Variants in GFRA2 observed in about 807,000 individuals in gnomAD.
GFRA2 encodes GDNF family receptor alpha 2.
In GFRA2, 17 loss-of-function variants were observed where a neutral mutation model predicts 48.3. The ratio of observed to expected loss-of-function variants is 0.35; its 90% CI spans 0.24 to 0.53. The LOEUF is 0.53. GFRA2 is among the 20% of genes least tolerant of loss of function. The pLI is 0.93. For missense variants in GFRA2, 660 were observed against 637.3 expected, an observed-to-expected ratio of 1.04 and a Z score of -0.38; for synonymous variants, 305 against 257.2, an observed-to-expected ratio of 1.19 and a Z score of -1.78.
chr8:21,704,637 G>A (rs1181727838), intron 6 of GFRA2, among the ~76,000 whole-genome samples: 2 of 152,146 alleles, frequency 1.3e-5, no homozygotes, highest in African/African-American at 2.4e-5. Flanking sequence ...TCGATTCCAG[G>A]GGGAAATAAA....
chr8:21,725,848 A>T (rs1387491194), intron 4 of GFRA2, among the ~76,000 whole-genome samples: 1 of 152,222 alleles, frequency 6.6e-6, no homozygotes, highest in African/African-American at 2.4e-5. Context: ...TCCAACATGC[A>T]TCCAGCATCA....
chr8:21,715,355 C>G (rs1025939885), intron 4 of GFRA2, among the ~76,000 whole-genome samples: 3 of 152,204 alleles, frequency 2.0e-5, no homozygotes, highest in African/African-American at 7.2e-5. Flanking sequence ...GTCACCTAGG[C>G]TGGAGTGCAA....
upstream of GFRA2, among the ~76,000 whole-genome samples, chr8:21,789,703 C>G (rs1464036156): frequency 2.0e-5 from 3 of 152,066 alleles, no homozygotes; most frequent in Admixed American, 1.3e-4. Context: ...GGGAACTTTG[C>G]CCTCACGCCC....
At chr8:21,809,812 AT>A (rs1379620705) in intron 1 of GFRA2, among the ~76,000 whole-genome samples, 7 of 152,178 alleles carry the variant, frequency 4.6e-5, no homozygotes, top group Non-Finnish European at 1.0e-4. Context: ...GGGAAGCCCA[AT>A]GGCACCAGGG....
At chr8:21,771,324 A>G (rs1294021651) in intron 3 of GFRA2, among the ~76,000 whole-genome samples, 1 of 152,236 alleles carries the variant, frequency 6.6e-6, no homozygotes, top group African/African-American at 2.4e-5. Context: ...TTGAATTGCT[A>G]GAAACAGGAC....
rs184925407 is a variant in GFRA2, at chr8:21,707,882, A to G, written c.795-1841T>C. Among the ~76,000 whole-genome samples, 63 of 152,338 alleles carry G rather than the reference A, an allele frequency of 4.1e-4. No homozygotes were observed. In the East Asian group the frequency reaches 0.012, roughly 28 times the overall value. ...GTGTATTTTACCACAATGATGGTTT[A>G]AAAGGTACTTTCATATCCATCTTTT... On this transcript the variant is annotated intron_variant, in intron 4 of 8. Transcript: ENST00000524240.
At chr8:21,704,359 A>G (rs893072521) in intron 6 of GFRA2, among the ~76,000 whole-genome samples, 1 of 152,232 alleles carries the variant, frequency 6.6e-6, no homozygotes, top group Non-Finnish European at 1.5e-5. Flanking sequence ...CACTGTGATC[A>G]TAAGTGACCC....
chr8:21,713,489 C>T (rs1462203698), intron 4 of GFRA2, among the ~76,000 whole-genome samples: 1 of 152,072 alleles, frequency 6.6e-6, no homozygotes, highest in Non-Finnish European at 1.5e-5. Flanking sequence ...AGCCACCACA[C>T]CCAGCTTGGC....
In GFRA2 at chr8:21,788,653, C is replaced by T; in HGVS notation, c.-494G>A. On this transcript the variant is annotated 5_prime_UTR_variant, in exon 1 of 9. Transcript: ENST00000524240. ...ACAGACGGGTGTCAGCGCCCAAGAA[C>T]AATCCAGTCGGAGCTTCGAGGACGA... 1 of 986,766 alleles carries T rather than the reference C, an allele frequency of 1.0e-6. No homozygotes were observed. The highest frequency in any genetic ancestry group is 4.7e-5 in the South Asian group (1 of 21,312). 61.1% of individuals were successfully genotyped at this position (986,766 alleles called of 1,614,324 possible). A position where few individuals can be genotyped will look rare whatever the true frequency, so the allele number is the denominator to read the frequency against.
intron 4 of GFRA2, among the ~76,000 whole-genome samples, chr8:21,718,689 G>A (rs1325204214): frequency 1.3e-5 from 2 of 152,270 alleles, no homozygotes; most frequent in Middle Eastern, 3.4e-3. Context: ...ATAGGGCCAC[G>A]CAACAAGGGT....
Position 21,788,750 on chromosome 8 carries a change from C to A in GFRA2, c.-591G>T, listed in dbSNP as rs1430511824. 12 of 985,430 alleles carry A rather than the reference C, an allele frequency of 1.2e-5. No homozygotes were observed. Among genetic ancestry groups the A allele is most frequent in the Admixed American group, 6.1e-5 (1 of 16,274 alleles). 61.0% of individuals were successfully genotyped at this position (985,430 alleles called of 1,614,324 possible). A position where few individuals can be genotyped will look rare whatever the true frequency, so the allele number is the denominator to read the frequency against. On this transcript the variant is annotated 5_prime_UTR_variant, in exon 1 of 9. Transcript: ENST00000524240. ...AAAAATCTTCTCCCGCTAACCCTTGCTCGGCTCACTTTTTTCTAATGGAAT... is the reference window on the plus strand; with the variant it reads ...AAAAATCTTCTCCCGCTAACCCTTGATCGGCTCACTTTTTTCTAATGGAAT...
chr8:21,704,757 T>C (rs1802655026), intron 6 of GFRA2, among the ~76,000 whole-genome samples: 1 of 152,156 alleles, frequency 6.6e-6, no homozygotes, highest in South Asian at 2.1e-4. Context: ...AATAACAGGC[T>C]TGACATAGGT....
At chr8:21,700,805 G>A (rs1426863855) in intron 7 of GFRA2, among the ~76,000 whole-genome samples, 2 of 152,112 alleles carry the variant, frequency 1.3e-5, no homozygotes, top group East Asian at 3.9e-4. Context: ...GGTGTATCTA[G>A]GGTGTACAGG....
chr8:21,722,100 G>T (rs533319186), intron 4 of GFRA2, among the ~76,000 whole-genome samples: 4 of 152,202 alleles, frequency 2.6e-5, no homozygotes, highest in Non-Finnish European at 4.4e-5. Flanking sequence ...AGGATGTGAG[G>T]CTGGGGGTAA....
chr8:21,787,767 TA>T (rs1395204389), intron 1 of GFRA2, among the ~76,000 whole-genome samples: 1 of 152,180 alleles, frequency 6.6e-6, no homozygotes, highest in Non-Finnish European at 1.5e-5. Flanking sequence ...AAGAGTTGGA[TA>T]TTTTTTTTTC....
intron 3 of GFRA2, among the ~76,000 whole-genome samples, chr8:21,753,066 C>T (rs1441038223): frequency 1.3e-5 from 2 of 152,180 alleles, no homozygotes; most frequent in Non-Finnish European, 2.9e-5. Flanking sequence ...CTAGAACCTA[C>T]AGCAGACAGC....
intron 2 of GFRA2, among the ~76,000 whole-genome samples, chr8:21,798,392 G>A (rs1807714777): frequency 6.6e-6 from 1 of 151,808 alleles, no homozygotes; most frequent in African/African-American, 2.4e-5. Flanking sequence ...AAGAGGGAGG[G>A]AGGGATGTGT....
intron 4 of GFRA2, among the ~76,000 whole-genome samples, chr8:21,734,658 G>A (rs1804362207): frequency 6.6e-6 from 1 of 152,244 alleles, no homozygotes; most frequent in Admixed American, 6.5e-5. Context: ...CTGCCTCGAA[G>A]AACAGGGCAC....
rs976469134 is a variant in GFRA2 at position 21,772,277 on chromosome 8, C to G, written c.439+2695G>C. ...ACCTTCTTTCTGCTGAGCTCCTCAC[C>G]ATGGCCAGTTTGGTTTCTTTTCTTT... On this transcript the variant is annotated intron_variant, in intron 3 of 8. Coordinates refer to ENST00000524240, the MANE Select transcript of GFRA2 (RefSeq NM_001495.5). Among the ~76,000 whole-genome samples the G allele has an allele frequency of 3.3e-5, 5 of 152,280 alleles. No individual in the cohort carries two copies. The South Asian group carries it at 1.0e-3, about 32-fold the overall frequency.
Sources: allele counts gnomAD v4.1 joint callset (sites outside exome capture counted in the v4.1 genomes callset), GRCh38; gene constraint gnomAD v4.1.1; transcripts MANE v1.5; gene names NCBI Gene and HGNC (gene_info 2026-07-23, HGNC 2026-07-21).